Variants in RALYL observed in about 807,000 individuals in gnomAD.
The protein encoded by RALYL is RALY RNA binding protein like, also known as RNA-binding Raly-like protein.
Under a neutral mutation model 35.1 loss-of-function variants are expected in RALYL, and 29 were observed. The observed-to-expected ratio is 0.83, with a 90% CI of 0.61 to 1.13. The LOEUF (loss-of-function observed/expected upper bound fraction) is 1.13, where lower values mean the gene tolerates loss of function less well. Ranked by LOEUF, RALYL falls within the 50% of genes most tolerant of loss-of-function variation. The pLI is 0.00. For synonymous variants in RALYL, 120 were observed against 127.6 expected (o/e 0.94, Z 0.40); for missense variants, 359 against 360.4 (o/e 1.00, Z 0.03).
chr8:84,732,668 T>TTATATATATATATATATATATATA (rs1554553641), intron 2 of RALYL, among the ~76,000 whole-genome samples: 24 of 132,446 alleles, frequency 1.8e-4, no homozygotes, highest in Non-Finnish European at 2.4e-4. Flanking sequence ...TATTAAATAA[T>TTATATATATATATATATATATATA]TATATATATA....
At chr8:84,694,497 A>T (rs1281719635) in intron 2 of RALYL, among the ~76,000 whole-genome samples, 1 of 151,896 alleles carries the variant, frequency 6.6e-6, no homozygotes, top group Non-Finnish European at 1.5e-5. Flanking sequence ...GTGTTTATGG[A>T]TTAAAAGAAT....
At chr8:84,639,407 C>G (rs1259755381) in intron 2 of RALYL, among the ~76,000 whole-genome samples, 2 of 151,756 alleles carry the variant, frequency 1.3e-5, no homozygotes, top group African/African-American at 4.8e-5. Context: ...TTTCTGTCAA[C>G]CTTATGATCT....
intron 4 of RALYL, among the ~76,000 whole-genome samples, chr8:84,833,631 G>A (rs1446762121): frequency 7.2e-6 from 1 of 139,786 alleles, no homozygotes; most frequent in Non-Finnish European, 1.5e-5. Flanking sequence ...GACAGAGCAT[G>A]ACTTCGTCTC....
intron 1 of RALYL, among the ~76,000 whole-genome samples, chr8:84,371,546 C>T (rs1563806665): frequency 6.7e-6 from 1 of 149,802 alleles, no homozygotes; most frequent in African/African-American, 2.5e-5. Context: ...TTATCACACA[C>T]ACACACACAC....
chr8:84,183,693 TTA>T lies in RALYL; in HGVS notation c.-751_-750del, dbSNP rs940476200. 1.3e-5 allele frequency: 2 copies of T among 152,600 alleles called. No homozygotes were observed. Among genetic ancestry groups the T allele is most frequent in the Non-Finnish European group, 2.9e-5 (2 of 68,084 alleles). The allele number at this position is 152,600 out of a possible 1,614,324, so 9.5% of individuals were successfully genotyped here. A position where few individuals can be genotyped will look rare whatever the true frequency, so the allele number is the denominator to read the frequency against. ...TTTTTTCCACTTCTTTGATTATTGT[TTA>T]TATTTGGGAAAGCTGGAGGAGCATG... On this transcript the variant is annotated 5_prime_UTR_variant, in exon 1 of 9. Coordinates refer to ENST00000521268, the MANE Select transcript of RALYL (RefSeq NM_173848.7).
intron 2 of RALYL, among the ~76,000 whole-genome samples, chr8:84,583,137 TAAATAACAGTGCCTTTTAAATA>T (rs954236961): frequency 1.3e-5 from 2 of 152,144 alleles, no homozygotes; most frequent in African/African-American, 2.4e-5. Flanking sequence ...TAACTTCTGA[TAAATAACAGTGCCTTTTAAATA>T]AAATACAGTA....
At chr8:84,580,808 A>G (rs1810649880) in intron 2 of RALYL, among the ~76,000 whole-genome samples, 1 of 152,140 alleles carries the variant, frequency 6.6e-6, no homozygotes, top group Admixed American at 6.5e-5. Flanking sequence ...TAAAATCACC[A>G]TTTTATTATG....
Position 84,529,562 on chromosome 8 carries a change from G to T in RALYL, c.241G>T (p.Ala81Ser). Residue 81 changes from alanine (A) to serine (S), a missense_variant, in exon 2 of 9, where the codon GCC (alanine) becomes TCC (serine). By Grantham distance (99) the Ala-to-Ser change is moderately conservative. Coordinates refer to ENST00000521268, the MANE Select transcript of RALYL (RefSeq NM_173848.7). ...GGCTGGAGAAAATGCCAGAGTCATC[G>T]CCGGCCAACCACTTGGTAAGTCATG... is the stretch of plus-strand genomic sequence containing the variant. ...AVAGENARVI[A>S]GQPLDINMAG... 2 of 1,607,368 alleles carry T rather than the reference G, an allele frequency of 1.2e-6. No individual in the cohort carries two copies. The highest frequency in any genetic ancestry group is 1.7e-6 in the Non-Finnish European group (2 of 1,174,328).
intron 2 of RALYL, among the ~76,000 whole-genome samples, chr8:84,667,718 A>C (rs1027678431): frequency 1.3e-5 from 2 of 151,972 alleles, no homozygotes; most frequent in African/African-American, 4.8e-5. Flanking sequence ...TTTAGACTTG[A>C]CCCCGGTCAT....
intron 1 of RALYL, among the ~76,000 whole-genome samples, chr8:84,220,549 A>G (rs1239514436): frequency 6.6e-6 from 1 of 152,036 alleles, no homozygotes; most frequent in Non-Finnish European, 1.5e-5. Flanking sequence ...ATGATAATAA[A>G]TCAAGAAAAA....
intron 1 of RALYL, among the ~76,000 whole-genome samples, chr8:84,363,862 G>C (rs1328222751): frequency 6.6e-6 from 1 of 152,174 alleles, no homozygotes; most frequent in Non-Finnish European, 1.5e-5. Context: ...AGCATAGCAA[G>C]TCACCAATAC....
intron 2 of RALYL, among the ~76,000 whole-genome samples, chr8:84,726,535 A>G (rs1281591213): frequency 1.3e-5 from 2 of 151,598 alleles, no homozygotes; most frequent in African/African-American, 4.8e-5. Context: ...GCACTATATC[A>G]TTTCTAACAA....
intron 2 of RALYL, among the ~76,000 whole-genome samples, chr8:84,588,078 G>T (rs1265613457): frequency 1.3e-5 from 2 of 152,106 alleles, no homozygotes; most frequent in East Asian, 3.9e-4. Flanking sequence ...AGAACTTTGG[G>T]GTTTGCTTGA....
chr8:84,436,409 C>T (rs2132822923), intron 1 of RALYL, among the ~76,000 whole-genome samples: 1 of 152,152 alleles, frequency 6.6e-6, no homozygotes, highest in Non-Finnish European at 1.5e-5. Context: ...ATATATAAGG[C>T]AGCCTATCCC....
At chr8:84,203,710 A>G in intron 1 of RALYL, among the ~76,000 whole-genome samples, 1 of 152,182 alleles carries the variant, frequency 6.6e-6, no homozygotes, top group East Asian at 1.9e-4. Context: ...GTTCAGGTAC[A>G]GAACACACAC....
At chr8:84,581,934 T>C (rs73294057) in intron 2 of RALYL, among the ~76,000 whole-genome samples, 3,304 of 152,236 alleles carry the variant, frequency 0.022, 142 homozygotes, top group African/African-American at 0.075. Flanking sequence ...AGTTTAATTC[T>C]GATGTATTTT....
rs1258665524 is a variant in RALYL, at chr8:84,921,233, A to G, written c.*322A>G. The G allele has an allele frequency of 5.0e-6, 1 of 199,890 alleles. No homozygotes were observed. The highest frequency in any genetic ancestry group is 1.0e-5 in the Non-Finnish European group (1 of 100,448). 12.4% of individuals were successfully genotyped at this position (199,890 alleles called of 1,614,324 possible). A position where few individuals can be genotyped will look rare whatever the true frequency, so the allele number is the denominator to read the frequency against. On this transcript the variant is annotated 3_prime_UTR_variant, in exon 9 of 9. Coordinates refer to ENST00000521268, the MANE Select transcript of RALYL (RefSeq NM_173848.7). ...CTATATACAAATGTATATTTGTAAA[A>G]GCTATTTTTATGATTAGCATGTTTC...
At chr8:84,309,096 T>C (rs1019818596) in intron 1 of RALYL, among the ~76,000 whole-genome samples, 3 of 151,316 alleles carry the variant, frequency 2.0e-5, no homozygotes, top group Non-Finnish European at 3.0e-5. Context: ...GCAAAAACCA[T>C]AGGAAAAAAT....
At chr8:84,876,679 G>A (rs1841213462) in intron 7 of RALYL, among the ~76,000 whole-genome samples, 1 of 141,384 alleles carries the variant, frequency 7.1e-6, no homozygotes, top group Non-Finnish European at 1.5e-5. Flanking sequence ...GCAATTATTA[G>A]ACATTATTTA....
Sources: allele counts gnomAD v4.1 joint callset (sites outside exome capture counted in the v4.1 genomes callset), GRCh38; gene constraint gnomAD v4.1.1; transcripts MANE v1.5; gene names NCBI Gene and HGNC (gene_info 2026-07-23, HGNC 2026-07-21).